FAM83F: variants seen among roughly 807,000 people sequenced by gnomAD.
FAM83F encodes the protein protein FAM83F.
FAM83F carries 45 observed loss-of-function variants against 42.9 expected under a neutral mutation model. The ratio of observed to expected loss-of-function variants is 1.05; its 90% CI spans 0.83 to 1.35. The LOEUF (loss-of-function observed/expected upper bound fraction) is 1.35, where lower values mean the gene tolerates loss of function less well. Ranked by LOEUF, FAM83F falls within the 40% of genes most tolerant of loss-of-function variation. The probability of loss-of-function intolerance (pLI) is 0.00; values close to 1 mark genes in which losing one functional copy is unlikely to be tolerated. For synonymous variants in FAM83F, 306 were observed against 298.3 expected (o/e 1.03, Z -0.27); for missense variants, 617 against 695.9 (o/e 0.89, Z 1.28).
intron 1 of FAM83F, among the ~76,000 whole-genome samples, chr22:40,011,731 C>T (rs1281195759): frequency 1.3e-5 from 2 of 152,200 alleles, no homozygotes; most frequent in Non-Finnish European, 1.5e-5. Context: ...CATTCTATCA[C>T]ATTCCTCACA....
intron 1 of FAM83F, among the ~76,000 whole-genome samples, chr22:40,009,261 G>A (rs370397110): frequency 1.3e-5 from 2 of 151,262 alleles, no homozygotes; most frequent in African/African-American, 4.9e-5. Flanking sequence ...TCACCAAAAG[G>A]CCCCCCCGAG....
rs1464044536 is a variant in FAM83F, at chr22:40,021,914, G to A, written c.1404G>A (p.Glu468=). 2.5e-6 allele frequency: 4 copies of A among 1,585,902 alleles called. No individual in the cohort carries two copies. Among genetic ancestry groups the A allele is most frequent in the South Asian group, 2.2e-5 (2 of 90,156 alleles). Residue 468 remains glutamate (E), a synonymous_variant, in exon 4 of 5, where the codon GAG becomes GAA. Transcript: ENST00000333407. This position sits in a 1 kb window ranked among gnomAD's most constrained non-coding sequence, Gnocchi z 8.7. ...TCTCCACCGAGACCTCTGAAGTGGA[G>A]TTTCTGACGGGGAAGAGGCCCAACG... The part of the protein sequence containing the change: ...SSVSTETSEV[E]FLTGKRPNEN...
intron 1 of FAM83F, among the ~76,000 whole-genome samples, chr22:40,001,070 G>A (rs577206799): frequency 9.8e-5 from 15 of 152,320 alleles, no homozygotes; most frequent in East Asian, 7.7e-4. Context: ...ATCTTGCCCC[G>A]GCCTGTCCAG....
rs2067578909 is a variant in FAM83F at position 40,030,296 on chromosome 22, CCTCCTTGGCTG to C, written c.*734_*744del. The C allele has an allele frequency of 6.6e-6, 1 of 152,328 alleles. No individual in the cohort carries two copies. The highest frequency in any genetic ancestry group is 2.4e-5 in the African/African-American group (1 of 41,428). The allele number at this position is 152,328 out of a possible 1,614,324, so 9.4% of individuals were successfully genotyped here. A position where few individuals can be genotyped will look rare whatever the true frequency, so the allele number is the denominator to read the frequency against. On this transcript the variant is annotated 3_prime_UTR_variant, in exon 5 of 5. Transcript: ENST00000333407. ...GCAGTCTCGGCATGGGTGGTTGAGACCTCCTTGGCTGCTGCCTGCTGCGGGCCTATGTGGGG... is the reference window on the plus strand; with the variant it reads ...GCAGTCTCGGCATGGGTGGTTGAGACCTGCCTGCTGCGGGCCTATGTGGGG...
At position 39,995,569 on chromosome 22, in the gene FAM83F, C is replaced by T. The variant is rs951113749; in HGVS notation, c.489+38C>T. ...CTTCGCCCCCACACCGCTGGGACCT[C>T]GGCCCCAGTCCCCTGGACCGGGCCC... On this transcript the variant is annotated intron_variant, in intron 1 of 4. Coordinates refer to ENST00000333407, the MANE Select transcript of FAM83F (RefSeq NM_138435.4). This position sits in a 1 kb window ranked among gnomAD's most constrained non-coding sequence, Gnocchi z 4.6. 3 of 1,507,862 alleles carry T rather than the reference C, an allele frequency of 2.0e-6. No individual in the cohort carries two copies. Among genetic ancestry groups the T allele is most frequent in the African/African-American group, 1.4e-5 (1 of 72,380 alleles). The allele number at this position is 1,507,862 out of a possible 1,614,324, so 93.4% of individuals were successfully genotyped here. A position where few individuals can be genotyped will look rare whatever the true frequency, so the allele number is the denominator to read the frequency against.
In FAM83F at chr22:39,995,257, G is replaced by A; in HGVS notation, c.215G>A (p.Ser72Asn). The A allele has an allele frequency of 2.0e-6, 3 of 1,535,272 alleles. No individual in the cohort carries two copies. The highest frequency in any genetic ancestry group is 2.6e-6 in the Non-Finnish European group (3 of 1,145,954). ...CGCCAGGCCCTGCGGGCCGCCTGGA[G>A]CCCCTACGAGGACGCCGTCCCCGCC... The part of the protein sequence containing the change: ...PERQALRAAW[S>N]PYEDAVPAAN... Residue 72 changes from serine (S) to asparagine (N), a missense_variant, in exon 1 of 5, where the codon AGC becomes AAC. Coordinates refer to ENST00000333407, the MANE Select transcript of FAM83F (RefSeq NM_138435.4). The surrounding 1 kb of genome is among the most constrained non-coding windows in gnomAD (Gnocchi z 4.6).
rs1179414275 is a variant in FAM83F, at chr22:40,029,556, G to C, written c.1494G>C (p.Val498=). The C allele has an allele frequency of 1.9e-6, 3 of 1,612,394 alleles. No homozygotes were observed. The East Asian group carries it at 6.7e-5, about 36-fold the overall frequency. ...GTTCTGCCAAGCCTAGCAACTGTGT[G>C]ATTTCCTGAGCTGCGGGATGGTGGT... ...SPSSAKPSNC[V]IS Residue 498 remains valine, a synonymous_variant, in exon 5 of 5, where the codon GTG becomes GTC. Coordinates refer to ENST00000333407, the MANE Select transcript of FAM83F (RefSeq NM_138435.4).
chr22:40,015,614 C>T (rs2067488697), intron 1 of FAM83F, among the ~76,000 whole-genome samples: 1 of 152,122 alleles, frequency 6.6e-6, no homozygotes, highest in Non-Finnish European at 1.5e-5. Flanking sequence ...AGGACACACT[C>T]GTGCAAGGCA....
intron 4 of FAM83F, among the ~76,000 whole-genome samples, chr22:40,022,500 G>T (rs577655194): frequency 6.6e-6 from 1 of 152,118 alleles, no homozygotes; most frequent in African/African-American, 2.4e-5. Context: ...CTGGTGCCCT[G>T]ACCCAGTTTC....
At position 40,021,829 on chromosome 22, in the gene FAM83F, G is replaced by A; in HGVS notation, c.1319G>A (p.Ser440Asn). 1 of 1,612,666 alleles carries A rather than the reference G, an allele frequency of 6.2e-7. No homozygotes were observed. The highest frequency in any genetic ancestry group is 8.5e-7 in the Non-Finnish European group (1 of 1,179,716). Residue 440 changes from serine (S) to asparagine (N), a missense_variant, in exon 4 of 5, where the codon AGC (serine) becomes AAC (asparagine). By Grantham distance (46) the Ser-to-Asn change is conservative. Coordinates refer to ENST00000333407, the MANE Select transcript of FAM83F (RefSeq NM_138435.4). The surrounding 1 kb of genome is among the most constrained non-coding windows in gnomAD (Gnocchi z 8.7). ...GEAAPARRFS[S>N]RLFSRRAKRP... ...GCCGCCCCCGCCAGGCGCTTCAGCA[G>A]CAGGCTCTTCAGTCGCCGAGCCAAG... is the stretch of plus-strand genomic sequence containing the variant.
rs534838749 is a variant in FAM83F, at chr22:40,033,893, C to T, written c.*4328C>T. The T allele has an allele frequency of 4.6e-5, 7 of 152,366 alleles. No homozygotes were observed. The East Asian group carries it at 1.2e-3, about 25-fold the overall frequency. The allele number at this position is 152,366 out of a possible 1,614,324, so 9.4% of individuals were successfully genotyped here. ...GGTTATCTTTCTTAGTTCTTTACCA[C>T]CTTATATTCCCCATGACAGGTGTGT... is the stretch of plus-strand genomic sequence containing the variant. On this transcript the variant is annotated 3_prime_UTR_variant, in exon 5 of 5. Coordinates refer to ENST00000333407, the MANE Select transcript of FAM83F (RefSeq NM_138435.4).
At chr22:40,012,603 C>T (rs1409458999) in intron 1 of FAM83F, among the ~76,000 whole-genome samples, 1 of 151,342 alleles carries the variant, frequency 6.6e-6, no homozygotes, top group African/African-American at 2.4e-5. Flanking sequence ...AACCCTGTCT[C>T]TACTAAAAAT....
rs1421587592 is a variant in FAM83F at position 40,036,551 on chromosome 22, A to C, written c.*6986A>C. 2.0e-5 allele frequency: 3 copies of C among 152,242 alleles called. No individual in the cohort carries two copies. The highest frequency in any genetic ancestry group is 7.2e-5 in the African/African-American group (3 of 41,460). The allele number at this position is 152,242 out of a possible 1,614,324, so 9.4% of individuals were successfully genotyped here. A position where few individuals can be genotyped will look rare whatever the true frequency, so the allele number is the denominator to read the frequency against. ...GGAGAATCTTTTGTATACAAAATAC[A>C]AATAAAACCTAAATCAAAGAAACAG... On this transcript the variant is annotated 3_prime_UTR_variant, in exon 5 of 5. Transcript: ENST00000333407.
At chr22:40,006,239 CA>C (rs78979244) in intron 1 of FAM83F, among the ~76,000 whole-genome samples, 34,122 of 129,204 alleles carry the variant, frequency 0.26, 4,316 homozygotes, top group Non-Finnish European at 0.34. Flanking sequence ...GATGCCATCT[CA>C]AAAAAAAAAA....
At chr22:40,006,488 G>T (rs1383236447) in intron 1 of FAM83F, among the ~76,000 whole-genome samples, 2 of 152,224 alleles carry the variant, frequency 1.3e-5, no homozygotes, top group Non-Finnish European at 1.5e-5. Flanking sequence ...CTACACTGGG[G>T]ACTGAGGACA....
chr22:40,006,345 C>A (rs1363515104), intron 1 of FAM83F, among the ~76,000 whole-genome samples: 2 of 152,254 alleles, frequency 1.3e-5, no homozygotes, highest in African/African-American at 4.8e-5. Flanking sequence ...GGGAAGCCAC[C>A]TATGTGGAGG....
rs182843228 is a variant in FAM83F, at chr22:40,011,426, G to A, written c.490-7742G>A. 3.3e-3 allele frequency among the ~76,000 whole-genome samples: 497 copies of A among 152,182 alleles called. 2 individuals are homozygous for A. Among genetic ancestry groups the A allele is most frequent in the African/African-American group, 0.011 (462 of 41,516 alleles). The stretch of plus-strand genomic sequence containing the variant: ...CTCAAACCCTGACCTCAGGTGATCC[G>A]CCCGCCTCGGCCTCCCAAAGGGCTG... On this transcript the variant is annotated intron_variant, in intron 1 of 4. Coordinates refer to ENST00000333407, the MANE Select transcript of FAM83F (RefSeq NM_138435.4).
At position 40,029,080 on chromosome 22, in the gene FAM83F, C is replaced by CGTGTGTGTGT. The variant is rs55770640; in HGVS notation, c.1454-392_1454-383dup. 5.8e-4 allele frequency among the ~76,000 whole-genome samples: 76 copies of CGTGTGTGTGT among 130,608 alleles called. 2 individuals carry two copies. The highest frequency in any genetic ancestry group is 1.8e-3 in the African/African-American group (63 of 34,654). The allele number at this position is 130,608 out of a possible 152,430, so 85.7% of individuals were successfully genotyped here. On this transcript the variant is annotated intron_variant, in intron 4 of 4. Transcript: ENST00000333407. ...GGTAGTGAGCGGCCTCTTGGCTAGA[C>CGTGTGTGTGT]GTGTGTGTGTGTGTGTGTGTGTGTG...
chr22:40,000,912 C>T (rs2067397831), intron 1 of FAM83F, among the ~76,000 whole-genome samples: 1 of 152,220 alleles, frequency 6.6e-6, no homozygotes, highest in Non-Finnish European at 1.5e-5. Context: ...GCCCCATGCA[C>T]TCCTAATCGT....
Sources: allele counts gnomAD v4.1 joint callset (sites outside exome capture counted in the v4.1 genomes callset), GRCh38; gene constraint gnomAD v4.1.1; non-coding constraint Gnocchi (gnomAD v3.1); transcripts MANE v1.5; gene names NCBI Gene and HGNC (gene_info 2026-07-23, HGNC 2026-07-21).